Variants in NRXN1 observed in about 807,000 individuals in gnomAD.
NRXN1 encodes neurexin-1.
Under a neutral mutation model 150.9 loss-of-function variants are expected in NRXN1, and 39 were observed. The ratio of observed to expected loss-of-function variants is 0.26; its 90% CI spans 0.20 to 0.34. The LOEUF is 0.34. NRXN1 is among the 10% of genes least tolerant of loss of function. The pLI is 1.00. For synonymous variants in NRXN1, 924 were observed against 757.0 expected, an observed-to-expected ratio of 1.22 and a Z score of -3.62; for missense variants, 1,815 against 1,949.9, an observed-to-expected ratio of 0.93 and a Z score of 1.30.
intron 18 of NRXN1, among the ~76,000 whole-genome samples, chr2:50,198,521 G>T (rs975451444): frequency 2.0e-5 from 3 of 152,050 alleles, no homozygotes; most frequent in Non-Finnish European, 4.4e-5. Context: ...TGTAACTGAA[G>T]AAATATAGTT....
chr2:50,340,703 T>TA (rs1307344276), intron 17 of NRXN1, among the ~76,000 whole-genome samples: 3 of 152,048 alleles, frequency 2.0e-5, no homozygotes, highest in African/African-American at 7.2e-5. Context: ...AGAGGTCTGC[T>TA]AGTCCAATTT....
intron 17 of NRXN1, among the ~76,000 whole-genome samples, chr2:50,392,101 A>C (rs934916863): frequency 1.3e-5 from 2 of 152,132 alleles, no homozygotes; most frequent in Non-Finnish European, 2.9e-5. Flanking sequence ...TTCATCACCA[A>C]TACAGCCAAT....
intron 17 of NRXN1, among the ~76,000 whole-genome samples, chr2:50,244,663 A>G (rs2066339585): frequency 6.6e-6 from 1 of 151,904 alleles, no homozygotes; most frequent in Non-Finnish European, 1.5e-5. Flanking sequence ...AGTTTGTGTG[A>G]GATGTCAGAA....
At chr2:50,546,313 G>A (rs1476430658) in intron 9 of NRXN1, among the ~76,000 whole-genome samples, 1 of 152,086 alleles carries the variant, frequency 6.6e-6, no homozygotes, top group African/African-American at 2.4e-5. Flanking sequence ...GCTAAGCAGT[G>A]TTCAGAAGAT....
At chr2:50,469,628 C>T (rs1573107408) in intron 16 of NRXN1, among the ~76,000 whole-genome samples, 1 of 151,156 alleles carries the variant, frequency 6.6e-6, no homozygotes, top group South Asian at 2.1e-4. Flanking sequence ...ATCAACTGTA[C>T]CTGTAACAGG....
intron 17 of NRXN1, among the ~76,000 whole-genome samples, chr2:50,270,873 G>A (rs889042407): frequency 4.6e-5 from 7 of 152,016 alleles, no homozygotes; most frequent in African/African-American, 1.7e-4. Flanking sequence ...TGGCCAGGCT[G>A]GTGGCGAACT....
chr2:50,310,128 G>T (rs1032081590), intron 17 of NRXN1, among the ~76,000 whole-genome samples: 1 of 152,210 alleles, frequency 6.6e-6, no homozygotes, highest in Non-Finnish European at 1.5e-5. Context: ...GAAAGAGAGA[G>T]TATCTTGCTC....
intron 18 of NRXN1, among the ~76,000 whole-genome samples, chr2:50,140,763 A>G (rs1707159937): frequency 6.6e-6 from 1 of 151,904 alleles, no homozygotes; most frequent in South Asian, 2.1e-4. Flanking sequence ...TCAGTGTGCA[A>G]CCAAGCACTA....
intron 2 of NRXN1, among the ~76,000 whole-genome samples, chr2:51,018,925 C>A (rs1047887520): frequency 4.0e-4 from 61 of 152,046 alleles, no homozygotes; most frequent in African/African-American, 1.4e-3. Context: ...AGAAGGTTAA[C>A]AAAGGAAGCA....
intron 18 of NRXN1, among the ~76,000 whole-genome samples, chr2:50,182,962 T>C (rs1030829263): frequency 1.3e-5 from 2 of 151,962 alleles, no homozygotes; most frequent in Non-Finnish European, 2.9e-5. Context: ...AGGCTGTTTA[T>C]AGCAAGGGAA....
chr2:50,739,115 T>C (rs559142791), intron 5 of NRXN1: 57 of 242,696 alleles, frequency 2.3e-4, no homozygotes, highest in African/African-American at 1.0e-3. Context: ...TCAGAGACAA[T>C]GTTGATAATT....
intron 5 of NRXN1, among the ~76,000 whole-genome samples, chr2:50,699,598 C>T (rs867676949): frequency 2.3e-4 from 35 of 152,010 alleles, no homozygotes; most frequent in Middle Eastern, 3.2e-3. Context: ...AATCCAGGCC[C>T]CCTGCTGACA....
intron 17 of NRXN1, among the ~76,000 whole-genome samples, chr2:50,452,230 G>C (rs945843361): frequency 9.2e-5 from 14 of 152,164 alleles, no homozygotes; most frequent in Non-Finnish European, 2.1e-4. Flanking sequence ...CCTTTTTATA[G>C]GAATTGGCAG....
intron 5 of NRXN1, among the ~76,000 whole-genome samples, chr2:50,771,764 T>C (rs369318111): frequency 6.6e-6 from 1 of 152,084 alleles, no homozygotes; most frequent in African/African-American, 2.4e-5. Flanking sequence ...GTGAAATAGA[T>C]AGCATTTGTG....
intron 5 of NRXN1, among the ~76,000 whole-genome samples, chr2:50,761,099 A>C (rs1219137718): frequency 6.6e-6 from 1 of 152,028 alleles, no homozygotes; most frequent in Non-Finnish European, 1.5e-5. Context: ...TTGAAGGCTA[A>C]GTCAAACTTC....
At chr2:50,759,523 C>T (rs916542580) in intron 5 of NRXN1, among the ~76,000 whole-genome samples, 2 of 151,710 alleles carry the variant, frequency 1.3e-5, no homozygotes, top group Non-Finnish European at 2.9e-5. Context: ...ATCTAAAAGA[C>T]AGAATAATCA....
intron 5 of NRXN1, among the ~76,000 whole-genome samples, chr2:50,655,004 A>C (rs1389771688): frequency 1.3e-5 from 2 of 151,998 alleles, no homozygotes; most frequent in African/African-American, 4.8e-5. Context: ...AAAAGGTCTA[A>C]TTAATTTGCA....
intron 18 of NRXN1, among the ~76,000 whole-genome samples, chr2:50,162,085 T>A (rs2059398251): frequency 6.6e-6 from 1 of 152,122 alleles, no homozygotes; most frequent in Non-Finnish European, 1.5e-5. Context: ...AGAGATCAAC[T>A]TTTTTACACA....
At chr2:51,011,928 C>A (rs963060907) in intron 2 of NRXN1, among the ~76,000 whole-genome samples, 11 of 151,878 alleles carry the variant, frequency 7.2e-5, no homozygotes, top group Admixed American at 3.3e-4. Flanking sequence ...CCTAAAATAG[C>A]ATAATATCAA....
Sources: gnomAD v4.1 joint callset for allele counts (sites outside exome capture counted in the v4.1 genomes callset) on GRCh38, gnomAD v4.1.1 for gene constraint, MANE v1.5 for transcripts, NCBI Gene and HGNC (gene_info 2026-07-23, HGNC 2026-07-21) for gene names.